CTNND2: variants seen among roughly 807,000 people sequenced by gnomAD.
The protein encoded by CTNND2 is catenin delta 2.
CTNND2 carries 22 observed loss-of-function variants against 144.4 expected under a neutral mutation model. The observed-to-expected ratio is 0.15, with a 90% CI of 0.11 to 0.22. The LOEUF (loss-of-function observed/expected upper bound fraction) is 0.22, where lower values mean the gene tolerates loss of function less well. Among genes scored for constraint, CTNND2 ranks in the 10% least tolerant of loss-of-function variants. The pLI is 1.00. For missense variants in CTNND2, 1,353 were observed against 1,618.8 expected (o/e 0.84, Z 2.82); for synonymous variants, 751 against 695.6 (o/e 1.08, Z -1.25).
intron 2 of CTNND2, among the ~76,000 whole-genome samples, chr5:11,722,465 C>T (rs1469778939): frequency 1.3e-5 from 2 of 152,194 alleles, no homozygotes; most frequent in Non-Finnish European, 1.5e-5. Context: ...AAAAGAACTA[C>T]TCATATACAA....
At chr5:11,631,267 G>T (rs1247431058) in intron 2 of CTNND2, among the ~76,000 whole-genome samples, 1 of 152,132 alleles carries the variant, frequency 6.6e-6, no homozygotes, top group African/African-American at 2.4e-5. Context: ...CCAGGTTTCT[G>T]TACAAGGTTA....
intron 9 of CTNND2, among the ~76,000 whole-genome samples, chr5:11,246,716 T>C (rs1370860307): frequency 3.7e-4 from 2 of 5,428 alleles, no homozygotes; most frequent in Non-Finnish European, 6.9e-4. Flanking sequence ...TGTGTGTCTG[T>C]AGGTGGGTGG....
intron 3 of CTNND2, among the ~76,000 whole-genome samples, chr5:11,419,305 C>T (rs1762181288): frequency 6.6e-6 from 1 of 151,952 alleles, no homozygotes; most frequent in Admixed American, 6.6e-5. Flanking sequence ...AGAAAAAATT[C>T]CCCATGATTC....
At chr5:11,141,970 T>A (rs944642161) in intron 12 of CTNND2, among the ~76,000 whole-genome samples, 2 of 152,172 alleles carry the variant, frequency 1.3e-5, no homozygotes, top group Non-Finnish European at 1.5e-5. Flanking sequence ...GAGTTTGTTA[T>A]AAAACTGAGC....
intron 1 of CTNND2, among the ~76,000 whole-genome samples, chr5:11,819,430 AAGACAGACAGACAGAC>A (rs57457496): frequency 2.6e-5 from 4 of 151,670 alleles, no homozygotes; most frequent in Non-Finnish European, 4.4e-5. Flanking sequence ...GCAAGATTCC[AAGACAGACAGACAGAC>A]AGACAGACAG....
At chr5:11,829,268 A>T (rs899826052) in intron 1 of CTNND2, among the ~76,000 whole-genome samples, 2 of 152,238 alleles carry the variant, frequency 1.3e-5, no homozygotes, top group African/African-American at 4.8e-5. Context: ...AATTTATATA[A>T]GTAATGAACA....
Position 11,903,172 on chromosome 5 carries a change from C to G in CTNND2, c.37+645G>C. On this transcript the variant is annotated intron_variant, in intron 1 of 21. Coordinates refer to ENST00000304623, the MANE Select transcript of CTNND2 (RefSeq NM_001332.4). The surrounding 1 kb of genome is among the most constrained non-coding windows in gnomAD (Gnocchi z 5.4). The stretch of plus-strand genomic sequence containing the variant: ...CATACACACGCACAGCCTTCCAAAC[C>G]TGGCTTTCAGGCGGCGCTTTCTGGA... The G allele has an allele frequency of 1.0e-6, 1 of 985,390 alleles. No homozygotes were observed. Among genetic ancestry groups the G allele is most frequent in the South Asian group, 4.7e-5 (1 of 21,290 alleles). 61.0% of individuals were successfully genotyped at this position (985,390 alleles called of 1,614,324 possible). A position where few individuals can be genotyped will look rare whatever the true frequency, so the allele number is the denominator to read the frequency against.
At position 11,055,188 on chromosome 5, in the gene CTNND2, A is replaced by G. The variant is rs551928144; in HGVS notation, c.2788+27508T>C. Reference sequence around the variant, plus strand: ...GGTTAAGGACGTAGGTACTGAATGAACCAGGCTACCTAAACAAGTTGTGTG... The same window carrying G: ...GGTTAAGGACGTAGGTACTGAATGAGCCAGGCTACCTAAACAAGTTGTGTG... On this transcript the variant is annotated intron_variant, in intron 16 of 21. Transcript: ENST00000304623. Among the ~76,000 whole-genome samples the G allele has an allele frequency of 9.4e-4, 143 of 152,340 alleles. 2 individuals are homozygous for G. Among genetic ancestry groups the G allele is most frequent in the African/African-American group, 3.2e-3 (135 of 41,564 alleles).
chr5:11,855,017 A>T (rs1322468949), intron 1 of CTNND2, among the ~76,000 whole-genome samples: 1 of 152,236 alleles, frequency 6.6e-6, no homozygotes, highest in East Asian at 1.9e-4. Flanking sequence ...CTGTAACTAT[A>T]ATGTGCAGCT....
intron 9 of CTNND2, among the ~76,000 whole-genome samples, chr5:11,340,457 C>G (rs1754136549): frequency 1.3e-5 from 2 of 152,156 alleles, no homozygotes; most frequent in African/African-American, 4.8e-5. Flanking sequence ...CAGGCTCCAT[C>G]CTGGGGCCAG....
At chr5:11,524,750 T>C (rs920737816) in intron 3 of CTNND2, among the ~76,000 whole-genome samples, 1 of 152,214 alleles carries the variant, frequency 6.6e-6, no homozygotes, top group Non-Finnish European at 1.5e-5. Flanking sequence ...AGTTCCAACG[T>C]TTACTGGTGA....
At chr5:11,515,602 A>C (rs970456581) in intron 3 of CTNND2, among the ~76,000 whole-genome samples, 4 of 152,228 alleles carry the variant, frequency 2.6e-5, no homozygotes, top group Non-Finnish European at 4.4e-5. Flanking sequence ...AAATGGAAGC[A>C]AATCACGAAG....
At chr5:11,779,221 A>G (rs989637127) in intron 1 of CTNND2, among the ~76,000 whole-genome samples, 1 of 152,182 alleles carries the variant, frequency 6.6e-6, no homozygotes, top group African/African-American at 2.4e-5. Flanking sequence ...ATTTTTATGA[A>G]TTTTTTAACC....
intron 9 of CTNND2, among the ~76,000 whole-genome samples, chr5:11,305,118 T>C (rs1437902098): frequency 1.3e-5 from 2 of 152,226 alleles, no homozygotes; most frequent in Non-Finnish European, 2.9e-5. Context: ...GGTGCTAATG[T>C]AGCTCTTACT....
chr5:10,997,756 T>G (rs1396704046), intron 18 of CTNND2, among the ~76,000 whole-genome samples: 1 of 152,198 alleles, frequency 6.6e-6, no homozygotes, highest in Non-Finnish European at 1.5e-5. Flanking sequence ...GACAGTCGTT[T>G]AGTCAAAACC....
intron 1 of CTNND2, among the ~76,000 whole-genome samples, chr5:11,900,342 T>G (rs1042842690): frequency 6.6e-6 from 1 of 152,220 alleles, no homozygotes; most frequent in African/African-American, 2.4e-5. Context: ...GGAGGTGTCA[T>G]AACTGCAGAT....
chr5:11,108,740 A>G (rs1454085301), intron 14 of CTNND2, among the ~76,000 whole-genome samples: 1 of 152,140 alleles, frequency 6.6e-6, no homozygotes, highest in Non-Finnish European at 1.5e-5. Flanking sequence ...CCCATGGTCA[A>G]TCTCACACCA....
At chr5:11,158,549 T>A (rs1758447951) in intron 12 of CTNND2, among the ~76,000 whole-genome samples, 1 of 152,160 alleles carries the variant, frequency 6.6e-6, no homozygotes, top group East Asian at 1.9e-4. Flanking sequence ...GGCTCTTATC[T>A]TGCTCTGTGC....
At chr5:11,506,354 A>C (rs1318083423) in intron 3 of CTNND2, among the ~76,000 whole-genome samples, 6 of 152,224 alleles carry the variant, frequency 3.9e-5, no homozygotes, top group African/African-American at 1.4e-4. Context: ...TTTAAAAAAT[A>C]AGCAGTATAT....
Sources: gnomAD v4.1 joint callset for allele counts (sites outside exome capture counted in the v4.1 genomes callset) on GRCh38, gnomAD v4.1.1 for gene constraint, Gnocchi (gnomAD v3.1) non-coding constraint, MANE v1.5 for transcripts, NCBI Gene and HGNC (gene_info 2026-07-23, HGNC 2026-07-21) for gene names.